Variants in MAPK8 observed in about 807,000 individuals in gnomAD.
MAPK8 encodes the protein JUN N-terminal kinase.
Under a neutral mutation model 52.9 loss-of-function variants are expected in MAPK8, and 13 were observed. That is an observed-to-expected ratio of 0.25 (90% CI 0.16 to 0.39). MAPK8 has a LOEUF of 0.39. MAPK8 is among the 10% of genes least tolerant of loss of function. The pLI is 1.00. For synonymous variants in MAPK8, 191 were observed against 169.8 expected (o/e 1.12, Z -0.97); for missense variants, 300 against 519.2 (o/e 0.58, Z 4.10).
intron 11 of MAPK8, among the ~76,000 whole-genome samples, chr10:48,433,123 C>CTA (rs2044485267): frequency 6.6e-6 from 1 of 152,152 alleles, no homozygotes; most frequent in African/African-American, 2.4e-5. Flanking sequence ...CCATGTGAGA[C>CTA]TAAAGATTTT....
chr10:48,410,319 C>T (rs2042680882), intron 5 of MAPK8, 151 bp downstream of exon 5: 4 of 546,874 alleles, frequency 7.3e-6, no homozygotes, highest in Non-Finnish European at 1.1e-5. Flanking sequence ...TTTTCATTAC[C>T]CCCAAAAAAG....
At chr10:48,399,670 A>G (rs574469220) in intron 1 of MAPK8, among the ~76,000 whole-genome samples, 1 of 152,292 alleles carries the variant, frequency 6.6e-6, no homozygotes, top group South Asian at 2.1e-4. Context: ...CAGCAAGTGG[A>G]GAAACTCTGA....
chr10:48,373,250 A>G (rs905732669), intron 1 of MAPK8, among the ~76,000 whole-genome samples: 1 of 152,146 alleles, frequency 6.6e-6, no homozygotes, highest in African/African-American at 2.4e-5. Flanking sequence ...TAAACATGGA[A>G]AGGAACAACT....
At chr10:48,331,400 T>G (rs985261767) in intron 1 of MAPK8, among the ~76,000 whole-genome samples, 1 of 152,214 alleles carries the variant, frequency 6.6e-6, no homozygotes, top group African/African-American at 2.4e-5. Context: ...CATATTAACT[T>G]CGAGAAATGG....
chr10:48,432,005 C>T (rs1202514281), intron 11 of MAPK8, among the ~76,000 whole-genome samples: 1 of 152,114 alleles, frequency 6.6e-6, no homozygotes, highest in Non-Finnish European at 1.5e-5. Flanking sequence ...ACATAAGATT[C>T]CAAATCTATT....
chr10:48,351,848 C>A (rs1315675981), intron 1 of MAPK8, among the ~76,000 whole-genome samples: 3 of 151,948 alleles, frequency 2.0e-5, no homozygotes, highest in Admixed American at 6.6e-5. Context: ...GTTGAGCATC[C>A]CGAATTCAAA....
At chr10:48,336,724 T>G (rs1298962457) in intron 1 of MAPK8, among the ~76,000 whole-genome samples, 1 of 152,194 alleles carries the variant, frequency 6.6e-6, no homozygotes, top group South Asian at 2.1e-4. Context: ...GGAAAACTGC[T>G]GTACACATGT....
chr10:48,369,816 G>T (rs1848388608), intron 1 of MAPK8, among the ~76,000 whole-genome samples: 1 of 152,164 alleles, frequency 6.6e-6, no homozygotes, highest in Non-Finnish European at 1.5e-5. Context: ...AGTGTCAGGT[G>T]CTGATGAGCA....
chr10:48,350,697 A>C (rs1270592354), intron 1 of MAPK8, among the ~76,000 whole-genome samples: 1 of 152,246 alleles, frequency 6.6e-6, no homozygotes, highest in Non-Finnish European at 1.5e-5. Context: ...TTCCCTTTGA[A>C]AACCAGCACA....
chr10:48,429,327 T>TAA (rs2043975604), intron 10 of MAPK8, among the ~76,000 whole-genome samples: 3 of 152,232 alleles, frequency 2.0e-5, no homozygotes. Context: ...ATCAGTGAGA[T>TAA]ACAGTGTTTT....
At chr10:48,319,499 T>A (rs1324576708) in intron 1 of MAPK8, among the ~76,000 whole-genome samples, 1 of 152,156 alleles carries the variant, frequency 6.6e-6, no homozygotes, top group Non-Finnish European at 1.5e-5. Flanking sequence ...ATCTCTTTTT[T>A]ATTTTTTTGA....
At position 48,401,590 on chromosome 10, in the gene MAPK8, C is replaced by G. The variant is rs1328046886; in HGVS notation, c.-49-22C>G. 2.6e-6 allele frequency: 4 copies of G among 1,534,802 alleles called. No individual in the cohort carries two copies. The Admixed American group carries it at 7.2e-5, about 28-fold the overall frequency. On this transcript the variant is annotated intron_variant, in intron 1 of 11. Transcript: ENST00000374189. Reference sequence around the variant, plus strand: ...TAAAACAAGTTCATTTTGTTAACATCATGTTTTGTTGCATCTTGCAGCTTC... The same window carrying G: ...TAAAACAAGTTCATTTTGTTAACATGATGTTTTGTTGCATCTTGCAGCTTC...
chr10:48,403,374 C>A (rs939887257), intron 2 of MAPK8, among the ~76,000 whole-genome samples: 1 of 151,668 alleles, frequency 6.6e-6, no homozygotes, highest in Non-Finnish European at 1.5e-5. Flanking sequence ...AGGAGAATAG[C>A]TTGAACCCGG....
At chr10:48,369,118 C>G (rs1848326250) in intron 1 of MAPK8, among the ~76,000 whole-genome samples, 1 of 152,086 alleles carries the variant, frequency 6.6e-6, no homozygotes, top group Non-Finnish European at 1.5e-5. Context: ...AGGCAGAATT[C>G]TTAGAAAGAA....
chr10:48,414,261 T>C (rs2042938732), intron 5 of MAPK8, among the ~76,000 whole-genome samples: 1 of 152,142 alleles, frequency 6.6e-6, no homozygotes, highest in South Asian at 2.1e-4. Flanking sequence ...TTCTTGTCAT[T>C]TTATTGACAA....
At chr10:48,349,642 G>A (rs1228464437) in intron 1 of MAPK8, among the ~76,000 whole-genome samples, 3 of 152,198 alleles carry the variant, frequency 2.0e-5, no homozygotes, top group Non-Finnish European at 4.4e-5. Context: ...GAAATTTATA[G>A]CACTAAATGC....
intron 5 of MAPK8, among the ~76,000 whole-genome samples, chr10:48,410,725 T>C (rs1024335880): frequency 6.6e-6 from 1 of 152,246 alleles, no homozygotes; most frequent in African/African-American, 2.4e-5. Context: ...GCACAGTGAC[T>C]GCACTATTTT....
chr10:48,347,563 A>G (rs781709387), intron 1 of MAPK8, among the ~76,000 whole-genome samples: 2 of 152,220 alleles, frequency 1.3e-5, no homozygotes, highest in African/African-American at 2.4e-5. Context: ...CCACCCCGCA[A>G]CAGGCCCCGG....
intron 5 of MAPK8, among the ~76,000 whole-genome samples, chr10:48,413,222 G>A (rs981954678): frequency 2.6e-5 from 4 of 151,840 alleles, no homozygotes; most frequent in Admixed American, 6.6e-5. Context: ...TCCACATTTA[G>A]CTCTTTTGAA....
Sources: gnomAD v4.1 joint callset for allele counts (sites outside exome capture counted in the v4.1 genomes callset) on GRCh38, gnomAD v4.1.1 for gene constraint, MANE v1.5 for transcripts, NCBI Gene and HGNC (gene_info 2026-07-23, HGNC 2026-07-21) for gene names.